Variants in ST6GALNAC5 observed in about 807,000 individuals in gnomAD.
ST6GALNAC5 encodes the protein ST6 N-acetylgalactosaminide alpha-2,6-sialyltransferase 5.
A neutral mutation model predicts 33.6 loss-of-function variants in ST6GALNAC5; 27 were observed. The ratio of observed to expected loss-of-function variants is 0.80; its 90% CI spans 0.59 to 1.11. ST6GALNAC5 has a LOEUF of 1.11. Among genes scored for constraint, ST6GALNAC5 ranks in the 50% least tolerant of loss-of-function variants. The probability of loss-of-function intolerance (pLI) is 0.00; values close to 1 mark genes in which losing one functional copy is unlikely to be tolerated. For synonymous variants in ST6GALNAC5, 194 were observed against 171.2 expected, an observed-to-expected ratio of 1.13 and a Z score of -1.04; for missense variants, 428 against 454.0, an observed-to-expected ratio of 0.94 and a Z score of 0.52.
At chr1:77,026,020 G>T (rs751377212) in intron 2 of ST6GALNAC5, among the ~76,000 whole-genome samples, 2 of 152,240 alleles carry the variant, frequency 1.3e-5, no homozygotes, top group African/African-American at 4.8e-5. Flanking sequence ...CAAAATGGAA[G>T]AGGAACTGAC....
chr1:77,031,421 G>T (rs1214034179), intron 2 of ST6GALNAC5, among the ~76,000 whole-genome samples: 2 of 152,196 alleles, frequency 1.3e-5, no homozygotes, highest in African/African-American at 4.8e-5. Context: ...CAAACCATCA[G>T]CTTGAGAACC....
chr1:76,968,878 T>C (rs1648615367), intron 2 of ST6GALNAC5, among the ~76,000 whole-genome samples: 1 of 152,198 alleles, frequency 6.6e-6, no homozygotes, highest in Non-Finnish European at 1.5e-5. Context: ...GGTTGAAAAT[T>C]CTTTTCTTTA....
intron 2 of ST6GALNAC5, among the ~76,000 whole-genome samples, chr1:76,902,726 A>G (rs76276863): frequency 0.045 from 6,904 of 152,266 alleles, 297 homozygotes; most frequent in African/African-American, 0.11. Context: ...AGAGTCTACA[A>G]ATAAATCTAT....
At chr1:76,954,758 A>G (rs1354250757) in intron 2 of ST6GALNAC5, among the ~76,000 whole-genome samples, 1 of 152,112 alleles carries the variant, frequency 6.6e-6, no homozygotes, top group Non-Finnish European at 1.5e-5. Context: ...TTATTTTCAA[A>G]CTAATTGGGT....
intron 2 of ST6GALNAC5, among the ~76,000 whole-genome samples, chr1:77,013,255 CTG>C (rs1420327864): frequency 6.6e-6 from 1 of 152,126 alleles, no homozygotes; most frequent in Non-Finnish European, 1.5e-5. Context: ...AAGTCAGACT[CTG>C]TTTCTGAAGC....
At chr1:77,005,214 T>G (rs926088004) in intron 2 of ST6GALNAC5, among the ~76,000 whole-genome samples, 1 of 152,216 alleles carries the variant, frequency 6.6e-6, no homozygotes, top group African/African-American at 2.4e-5. Context: ...TTTAAGCTGG[T>G]CCGAAAAGCG....
At position 76,879,991 on chromosome 1, in the gene ST6GALNAC5, C is replaced by T. The variant is rs112090858; in HGVS notation, c.261+11249C>T. ...TTCCACAATTTCAGCTCTTTCTCTACGGGAGATAAGACTCTCACTCAGGGC... is the reference window on the plus strand; with the variant it reads ...TTCCACAATTTCAGCTCTTTCTCTATGGGAGATAAGACTCTCACTCAGGGC... On this transcript the variant is annotated intron_variant, in intron 2 of 4. Transcript: ENST00000477717. 1.2e-3 allele frequency among the ~76,000 whole-genome samples: 177 copies of T among 152,236 alleles called. 6 individuals carry two copies. Among genetic ancestry groups the T allele is most frequent in the African/African-American group, 4.0e-3 (168 of 41,540 alleles).
chr1:76,886,085 A>G (rs1378966752), intron 2 of ST6GALNAC5, among the ~76,000 whole-genome samples: 2 of 151,956 alleles, frequency 1.3e-5, no homozygotes, highest in African/African-American at 4.9e-5. Flanking sequence ...TTTCCTGTCC[A>G]TAAATGGTGC....
At chr1:76,973,938 A>C (rs1455223408) in intron 2 of ST6GALNAC5, among the ~76,000 whole-genome samples, 1 of 152,126 alleles carries the variant, frequency 6.6e-6, no homozygotes, top group African/African-American at 2.4e-5. Context: ...AAACAGAACC[A>C]GACTGCTTTA....
intron 2 of ST6GALNAC5, among the ~76,000 whole-genome samples, chr1:76,888,418 A>C (rs1653943527): frequency 6.6e-6 from 1 of 152,192 alleles, no homozygotes; most frequent in African/African-American, 2.4e-5. Context: ...TGATATTAAG[A>C]GTAGTACTCT....
intron 2 of ST6GALNAC5, among the ~76,000 whole-genome samples, chr1:76,974,773 CTT>C (rs60357939): frequency 5.3e-3 from 188 of 35,210 alleles, no homozygotes; most frequent in African/African-American, 0.023. Context: ...TTCTTTCTTT[CTT>C]TTTTTTTTTT....
chr1:76,955,835 A>G (rs1647935192), intron 2 of ST6GALNAC5, among the ~76,000 whole-genome samples: 1 of 152,200 alleles, frequency 6.6e-6, no homozygotes, highest in Non-Finnish European at 1.5e-5. Context: ...CAACCAGTGC[A>G]GCATTGGCTG....
intron 2 of ST6GALNAC5, among the ~76,000 whole-genome samples, chr1:77,021,315 G>T (rs1230587104): frequency 1.3e-5 from 2 of 152,146 alleles, no homozygotes. Flanking sequence ...TTGGTTGGGG[G>T]CAGGGGGTAT....
chr1:76,979,500 A>G (rs1189731116), intron 2 of ST6GALNAC5, among the ~76,000 whole-genome samples: 1 of 152,220 alleles, frequency 6.6e-6, no homozygotes, highest in Non-Finnish European at 1.5e-5. Context: ...TGATTTTCAC[A>G]AAGATGCCAA....
chr1:76,987,736 T>C (rs1415374929), intron 2 of ST6GALNAC5, among the ~76,000 whole-genome samples: 1 of 152,158 alleles, frequency 6.6e-6, no homozygotes, highest in Non-Finnish European at 1.5e-5. Context: ...GTAACCCATA[T>C]AATGGAATAT....
chr1:76,925,208 T>C (rs1409140190), intron 2 of ST6GALNAC5, among the ~76,000 whole-genome samples: 1 of 152,024 alleles, frequency 6.6e-6, no homozygotes, highest in Non-Finnish European at 1.5e-5. Flanking sequence ...AAGCCACTCA[T>C]GAGGGATCTG....
intron 4 of ST6GALNAC5, among the ~76,000 whole-genome samples, chr1:77,054,400 C>T (rs1198756818): frequency 6.6e-6 from 1 of 152,202 alleles, no homozygotes; most frequent in African/African-American, 2.4e-5. Flanking sequence ...CAGGGGCAGA[C>T]CCAGTTGGCT....
intron 2 of ST6GALNAC5, among the ~76,000 whole-genome samples, chr1:76,942,993 T>A (rs1470997681): frequency 2.0e-5 from 3 of 152,076 alleles, no homozygotes; most frequent in Non-Finnish European, 2.9e-5. Flanking sequence ...CCTCCCTAAG[T>A]GATAACAATA....
chr1:77,015,606 A>C (rs868394819), intron 2 of ST6GALNAC5, among the ~76,000 whole-genome samples: 2 of 152,210 alleles, frequency 1.3e-5, no homozygotes, highest in South Asian at 4.1e-4. Context: ...GAATGCAGGC[A>C]AAAATGATAC....
Sources: gnomAD v4.1 joint callset for allele counts (sites outside exome capture counted in the v4.1 genomes callset) on GRCh38, gnomAD v4.1.1 for gene constraint, MANE v1.5 for transcripts, NCBI Gene and HGNC (gene_info 2026-07-23, HGNC 2026-07-21) for gene names.